Variants in ZNF215 observed in about 807,000 individuals in gnomAD.
The protein encoded by ZNF215 is zinc finger protein 215.
In ZNF215, 24 loss-of-function variants were observed where a neutral mutation model predicts 27.2. The observed-to-expected ratio is 0.88, with a 90% confidence interval of 0.64 to 1.24. The LOEUF (loss-of-function observed/expected upper bound fraction) is 1.24. ZNF215 is among the 50% of genes most tolerant of loss of function. The pLI is 0.00. For synonymous variants in ZNF215, 210 were observed against 204.0 expected (o/e 1.03, Z -0.25); for missense variants, 675 against 605.7 (o/e 1.11, Z -1.20).
intron 6 of ZNF215, among the ~76,000 whole-genome samples, chr11:6,944,547 C>T (rs1849749436): frequency 6.6e-6 from 1 of 151,884 alleles, no homozygotes; most frequent in African/African-American, 2.4e-5. Flanking sequence ...GCCTTAACTC[C>T]CTATCTTCTT....
intron 6 of ZNF215, among the ~76,000 whole-genome samples, chr11:6,950,563 G>A (rs1349529136): frequency 6.6e-6 from 1 of 151,500 alleles, no homozygotes; most frequent in Non-Finnish European, 1.5e-5. Flanking sequence ...GAATGCTTGT[G>A]ATTTTTGTAC....
At chr11:6,985,735 A>G (rs1466103939), downstream of ZNF215, among the ~76,000 whole-genome samples, 1 of 152,202 alleles carries the variant, frequency 6.6e-6, no homozygotes, top group Admixed American at 6.5e-5. Flanking sequence ...ATTTCTATAT[A>G]CCAATAACAT....
At chr11:6,985,002 A>C (rs1851031658), downstream of ZNF215, among the ~76,000 whole-genome samples, 1 of 152,134 alleles carries the variant, frequency 6.6e-6, no homozygotes, top group African/African-American at 2.4e-5. Flanking sequence ...TCCTACTGAA[A>C]CCATTCCAAA....
At chr11:6,992,861 A>T (rs926689031), downstream of ZNF215, among the ~76,000 whole-genome samples, 1 of 150,972 alleles carries the variant, frequency 6.6e-6, no homozygotes, top group Non-Finnish European at 1.5e-5. Context: ...AATCAACTCC[A>T]TCGTAAAACC....
At chr11:6,980,779 T>G (rs1850934797) in intron 5 of ZNF215, among the ~76,000 whole-genome samples, 1 of 112,606 alleles carries the variant, frequency 8.9e-6, no homozygotes. Flanking sequence ...CCCACAACAG[T>G]CCCCAGAGTG....
rs780041080 is a variant in ZNF215 at position 6,943,536 on chromosome 11, C to T, written c.617-10C>T. ...GTTGTTGTTGTTCTTTTTATTTTCTCCATGAACAGCACATCTACTTTCCAA... is the reference window on the plus strand; with the variant it reads ...GTTGTTGTTGTTCTTTTTATTTTCTTCATGAACAGCACATCTACTTTCCAA... On this transcript the variant is annotated splice_polypyrimidine_tract_variant and intron_variant, in intron 5 of 6. Transcript: ENST00000278319. The T allele has an allele frequency of 2.5e-6, 4 of 1,608,416 alleles. No individual in the cohort carries two copies. Among genetic ancestry groups the T allele is most frequent in the Middle Eastern group, 1.7e-4 (1 of 6,022 alleles).
intron 3 of ZNF215, among the ~76,000 whole-genome samples, chr11:6,933,056 C>T (rs1491824): frequency 0.99 from 150,105 of 152,330 alleles, 73,995 homozygotes; most frequent in Middle Eastern, 1. Context: ...AGAGACTGTA[C>T]TGTCTGCAAA....
intron 5 of ZNF215, among the ~76,000 whole-genome samples, chr11:6,975,194 G>A (rs933829865): frequency 9.9e-5 from 15 of 152,032 alleles, no homozygotes; most frequent in African/African-American, 2.9e-4. Flanking sequence ...GCTGGATTAC[G>A]TTTATTGATT....
intron 6 of ZNF215, among the ~76,000 whole-genome samples, chr11:6,950,741 T>C (rs1367405871): frequency 6.7e-6 from 1 of 150,258 alleles, no homozygotes; most frequent in East Asian, 1.9e-4. Context: ...TCCTGCCTGA[T>C]TGCCCTGGCC....
chr11:6,977,211 A>G (rs1420096690), intron 5 of ZNF215, among the ~76,000 whole-genome samples: 2 of 152,036 alleles, frequency 1.3e-5, no homozygotes, highest in Non-Finnish European at 2.9e-5. Context: ...TATTAAATGG[A>G]AAATTCCAGA....
chr11:6,991,882 T>C (rs1851120635), downstream of ZNF215, among the ~76,000 whole-genome samples: 1 of 152,212 alleles, frequency 6.6e-6, no homozygotes, highest in Non-Finnish European at 1.5e-5. Flanking sequence ...CCTGTCAATT[T>C]GTCAGAACAC....
chr11:6,945,583 A>G (rs957747), intron 6 of ZNF215, among the ~76,000 whole-genome samples: 27,008 of 152,182 alleles, frequency 0.18, 2,619 homozygotes, highest in Middle Eastern at 0.23. Context: ...TTTTTGAGAC[A>G]TTCCTTATCT....
At chr11:6,928,808 C>T (rs1366061436) in intron 2 of ZNF215, among the ~76,000 whole-genome samples, 1 of 151,844 alleles carries the variant, frequency 6.6e-6, no homozygotes, top group African/African-American at 2.4e-5. Context: ...TATACTACTT[C>T]AGGACTATTC....
chr11:6,948,796 A>G (rs547741000), intron 6 of ZNF215, among the ~76,000 whole-genome samples: 1 of 152,168 alleles, frequency 6.6e-6, no homozygotes, highest in South Asian at 2.1e-4. Flanking sequence ...GTACATGTGC[A>G]CAATGTGCAG....
intron 6 of ZNF215, among the ~76,000 whole-genome samples, chr11:6,948,797 C>T (rs1193004517): frequency 1.3e-5 from 2 of 151,920 alleles, no homozygotes; most frequent in African/African-American, 4.8e-5. Flanking sequence ...TACATGTGCA[C>T]AATGTGCAGG....
chr11:6,962,353 T>C (rs1405282010), downstream of ZNF215, among the ~76,000 whole-genome samples: 1 of 152,094 alleles, frequency 6.6e-6, no homozygotes, highest in Admixed American at 6.6e-5. Context: ...AAGAACCCAT[T>C]GATGTCATCC....
rs184323692 is a variant in ZNF215 at position 6,979,229 on chromosome 11, C to T, written c.806-4900C>T. Among the ~76,000 whole-genome samples the T allele has an allele frequency of 3.9e-5, 6 of 151,992 alleles. No homozygotes were observed. In the South Asian group the frequency reaches 6.2e-4, roughly 16 times the overall value. ...TACTCTGAGTGACATAGTAGCAATA[C>T]GGTTTCCAAGAATATCAGGGACAAT... On this transcript the variant is annotated intron_variant, in intron 5 of 5. Transcript: ENST00000529903.
At position 6,956,684 on chromosome 11, in the gene ZNF215, A is replaced by G; in HGVS notation, c.*153A>G. 7.2e-7 allele frequency: 1 copy of G among 1,390,196 alleles called. No individual in the cohort carries two copies. Among genetic ancestry groups the G allele is most frequent in the South Asian group, 1.8e-5 (1 of 55,028 alleles). 86.1% of individuals were successfully genotyped at this position (1,390,196 alleles called of 1,614,324 possible). On this transcript the variant is annotated 3_prime_UTR_variant, in exon 7 of 7. Transcript: ENST00000278319. ...ATCACAGAATTAATGTTGGATAGAA[A>G]TATCATTGGATAGAAATCTGTTTGA...
At chr11:6,977,311 G>A (rs1373566012) in intron 5 of ZNF215, among the ~76,000 whole-genome samples, 1 of 152,024 alleles carries the variant, frequency 6.6e-6, no homozygotes, top group African/African-American at 2.4e-5. Context: ...CACAGGATGT[G>A]AATGATCCCT....
Sources: gnomAD v4.1 joint callset for allele counts (sites outside exome capture counted in the v4.1 genomes callset) on GRCh38, gnomAD v4.1.1 for gene constraint, MANE v1.5 for transcripts, NCBI Gene and HGNC (gene_info 2026-07-23, HGNC 2026-07-21) for gene names.